CDH6: variants seen among roughly 807,000 people sequenced by gnomAD.
CDH6 encodes cadherin 6, also known as cadherin-6.
CDH6 carries 31 observed loss-of-function variants against 78.0 expected under a neutral mutation model. The observed-to-expected ratio is 0.40, with a 90% CI of 0.30 to 0.54. The LOEUF is 0.54. Among genes scored for constraint, CDH6 ranks in the 20% least tolerant of loss-of-function variants. The pLI is 0.56. For synonymous variants in CDH6, 376 were observed against 368.8 expected, an observed-to-expected ratio of 1.02 and a Z score of -0.23; for missense variants, 724 against 975.9, an observed-to-expected ratio of 0.74 and a Z score of 3.44.
intron 2 of CDH6, among the ~76,000 whole-genome samples, chr5:31,277,384 T>A (rs1351891838): frequency 6.6e-6 from 1 of 152,224 alleles, no homozygotes; most frequent in Non-Finnish European, 1.5e-5. Context: ...AACAATTTTT[T>A]AAATGATCTT....
chr5:31,293,315 A>G (rs1406384663), intron 2 of CDH6, among the ~76,000 whole-genome samples: 1 of 152,166 alleles, frequency 6.6e-6, no homozygotes, highest in East Asian at 1.9e-4. Context: ...TTTTCAAGGT[A>G]TTGCCCTTGG....
intron 1 of CDH6, among the ~76,000 whole-genome samples, chr5:31,252,263 A>G (rs1330387785): frequency 6.6e-6 from 1 of 152,132 alleles, no homozygotes; most frequent in Non-Finnish European, 1.5e-5. Context: ...GAACCACAAC[A>G]TCTTCTAAAG....
At chr5:31,272,649 T>A (rs538072340) in intron 2 of CDH6, among the ~76,000 whole-genome samples, 2 of 152,328 alleles carry the variant, frequency 1.3e-5, no homozygotes, top group South Asian at 4.1e-4. Context: ...ATTTGCACAG[T>A]ACCATTCAAC....
intron 7 of CDH6, among the ~76,000 whole-genome samples, chr5:31,307,103 G>A (rs901954753): frequency 3.3e-5 from 5 of 152,180 alleles, no homozygotes; most frequent in African/African-American, 1.2e-4. Flanking sequence ...GCCCCAGAGA[G>A]GTTTGATAGC....
At chr5:31,264,407 C>T (rs1319507058) in intron 1 of CDH6, among the ~76,000 whole-genome samples, 6 of 152,080 alleles carry the variant, frequency 3.9e-5, no homozygotes, top group South Asian at 2.1e-4. Flanking sequence ...TTATAACACC[C>T]TATGAGGTGG....
At chr5:31,211,625 C>G (rs1740707642) in intron 1 of CDH6, among the ~76,000 whole-genome samples, 1 of 151,272 alleles carries the variant, frequency 6.6e-6, no homozygotes, top group Non-Finnish European at 1.5e-5. Flanking sequence ...CATCTATTAT[C>G]TGGGTAATTT....
In CDH6 at chr5:31,297,344, C is replaced by T; in HGVS notation, c.579C>T (p.Asn193=). 1.9e-6 allele frequency: 3 copies of T among 1,608,792 alleles called. No individual in the cohort carries two copies. The highest frequency in any genetic ancestry group is 2.6e-6 in the Non-Finnish European group (3 of 1,175,220). The change falls in exon 4 of 12, where the codon AAC becomes AAT. Residue 193 remains asparagine, a synonymous_variant. Coordinates refer to ENST00000265071, the MANE Select transcript of CDH6 (RefSeq NM_004932.4). Reference sequence around the variant, plus strand: ...ATGCAGATGATCCAACATATGGGAACAGTGCTAAAGTTGTCTACAGTATTC... The same window carrying T: ...ATGCAGATGATCCAACATATGGGAATAGTGCTAAAGTTGTCTACAGTATTC... ...ATDADDPTYG[N]SAKVVYSILQ...
chr5:31,295,504 G>T (rs898705197), intron 3 of CDH6, among the ~76,000 whole-genome samples: 6 of 152,044 alleles, frequency 3.9e-5, no homozygotes, highest in Non-Finnish European at 8.8e-5. Flanking sequence ...AACATTTAGG[G>T]GTAGTTGACA....
rs528858963 is a variant in CDH6, at chr5:31,288,464, A to G, written c.229-5498A>G. On this transcript the variant is annotated intron_variant, in intron 2 of 11. Transcript: ENST00000265071. ...CAAGCAAGTTCAATTTCTTCCTGAT[A>G]TAAACTCTACCCAACAAGCTTTTCC... Among the ~76,000 whole-genome samples, 26 of 152,342 alleles carry G rather than the reference A, an allele frequency of 1.7e-4. No individual in the cohort carries two copies. In the East Asian group the frequency reaches 3.9e-3, roughly 23 times the overall value.
intron 1 of CDH6, among the ~76,000 whole-genome samples, chr5:31,214,120 AC>A (rs1488583223): frequency 4.1e-5 from 6 of 145,388 alleles, no homozygotes; most frequent in African/African-American, 1.5e-4. Context: ...AGAAAGGTGC[AC>A]GGAAAGGAAT....
rs139104709 is a variant in CDH6 at position 31,323,736 on chromosome 5, C to T, written c.*428C>T. The T allele has an allele frequency of 1.8e-3, 431 of 240,934 alleles. 2 individuals are homozygous for T. The highest frequency in any genetic ancestry group is 2.4e-3 in the Non-Finnish European group (289 of 121,714). 14.9% of individuals were successfully genotyped at this position (240,934 alleles called of 1,614,324 possible). ...ATCATCATAGTAAAAGAAATGAGGG[C>T]ATATCGGCTCACAAAGAGATAAACT... On this transcript the variant is annotated 3_prime_UTR_variant, in exon 12 of 12. Transcript: ENST00000265071.
chr5:31,302,798 G>GAA lies in CDH6; in HGVS notation c.999+501_999+502insAA, dbSNP rs1554009977. ...GAAGAAAGAGAGAGAGAGAGAGAGAGAGAAAGAAAGAAAGAAAGAAAGAAA... is the reference window on the plus strand; with the variant it reads ...GAAGAAAGAGAGAGAGAGAGAGAGAGAAAGAAAGAAAGAAAGAAAGAAAGAAA... On this transcript the variant is annotated intron_variant, in intron 6 of 11. Transcript: ENST00000265071. Among the ~76,000 whole-genome samples the GAA allele has an allele frequency of 6.0e-3, 219 of 36,570 alleles. 1 individual carries two copies. Among genetic ancestry groups the GAA allele is most frequent in the Middle Eastern group, 0.014 (1 of 72 alleles). 24.0% of individuals were successfully genotyped at this position (36,570 alleles called of 152,430 possible).
intron 11 of CDH6, among the ~76,000 whole-genome samples, chr5:31,319,287 G>A (rs1436936716): frequency 6.6e-6 from 1 of 152,032 alleles, no homozygotes; most frequent in Non-Finnish European, 1.5e-5. Context: ...TGAATTCACT[G>A]TCTCCTCATG....
intron 6 of CDH6, 22 bp from the exon 7 acceptor site, chr5:31,305,152 T>C (rs1579903544): frequency 6.3e-7 from 1 of 1,597,422 alleles, no homozygotes; most frequent in Non-Finnish European, 8.5e-7. Flanking sequence ...ATGTCACTTC[T>C]TCCCCCACCC....
chr5:31,259,892 G>A (rs1742166338), intron 1 of CDH6, among the ~76,000 whole-genome samples: 2 of 152,176 alleles, frequency 1.3e-5, no homozygotes, highest in Admixed American at 1.3e-4. Context: ...GAAGGACAGT[G>A]GGGACCGTGG....
At chr5:31,280,162 G>A (rs1291435584) in intron 2 of CDH6, among the ~76,000 whole-genome samples, 1 of 152,192 alleles carries the variant, frequency 6.6e-6, no homozygotes. Context: ...GTGGGAGAGA[G>A]AGAAAAGAGA....
At chr5:31,206,397 C>T (rs752650959) in intron 1 of CDH6, among the ~76,000 whole-genome samples, 70 of 152,120 alleles carry the variant, frequency 4.6e-4, no homozygotes, top group Non-Finnish European at 9.0e-4. Context: ...TATTCTATAA[C>T]AAGTGAGATC....
At chr5:31,212,296 A>G (rs957204358) in intron 1 of CDH6, among the ~76,000 whole-genome samples, 2 of 152,040 alleles carry the variant, frequency 1.3e-5, no homozygotes, top group Non-Finnish European at 2.9e-5. Flanking sequence ...TTTCTTCCAA[A>G]TTTTCAATCA....
intron 1 of CDH6, among the ~76,000 whole-genome samples, chr5:31,245,270 C>T (rs1409344757): frequency 6.6e-6 from 1 of 152,168 alleles, no homozygotes. Context: ...GAGATTACTT[C>T]CATCAAAGGA....
Sources: allele counts gnomAD v4.1 joint callset (sites outside exome capture counted in the v4.1 genomes callset), GRCh38; gene constraint gnomAD v4.1.1; transcripts MANE v1.5; gene names NCBI Gene and HGNC (gene_info 2026-07-23, HGNC 2026-07-21).